The following CDYL variants were observed in gnomAD, a reference collection of about 807,000 sequenced individuals.
CDYL encodes the protein chromodomain Y like, also known as chromodomain Y-like protein.
In CDYL, 8 loss-of-function variants were observed where a neutral mutation model predicts 47.3. The observed-to-expected ratio is 0.17, with a 90% confidence interval of 0.10 to 0.31. The LOEUF is 0.31. Ranked by LOEUF, CDYL falls within the 10% of genes least tolerant of loss-of-function variation. The pLI is 1.00. For missense variants in CDYL, 471 were observed against 701.4 expected, an observed-to-expected ratio of 0.67 and a Z score of 3.71; for synonymous variants, 266 against 265.0, an observed-to-expected ratio of 1.00 and a Z score of -0.04.
chr6:4,876,144 T>C (rs970838064), intron 1 of CDYL, among the ~76,000 whole-genome samples: 3 of 152,206 alleles, frequency 2.0e-5, no homozygotes, highest in Non-Finnish European at 2.9e-5. Context: ...TGTTTGTTGT[T>C]GTTGTTTATA....
chr6:4,794,187 A>G (rs1057170779), intron 1 of CDYL, among the ~76,000 whole-genome samples: 8 of 152,114 alleles, frequency 5.3e-5, no homozygotes, highest in African/African-American at 1.7e-4. Flanking sequence ...CATCACATAG[A>G]GCTTGCGGGG....
chr6:4,909,576 T>G (rs917940911), intron 2 of CDYL, among the ~76,000 whole-genome samples: 11 of 152,146 alleles, frequency 7.2e-5, no homozygotes, highest in Admixed American at 6.5e-5. Flanking sequence ...ATACTTTTTT[T>G]TGTTTGTTTT....
At chr6:4,808,967 T>C (rs1020776780) in intron 1 of CDYL, among the ~76,000 whole-genome samples, 2 of 152,168 alleles carry the variant, frequency 1.3e-5, no homozygotes, top group Non-Finnish European at 2.9e-5. Flanking sequence ...TGATGTGGCT[T>C]CCAAGCGTGA....
chr6:4,794,664 G>A (rs1759020816), intron 1 of CDYL, among the ~76,000 whole-genome samples: 2 of 152,192 alleles, frequency 1.3e-5, no homozygotes, highest in South Asian at 4.1e-4. Flanking sequence ...GCATCGAAGA[G>A]CATGGGGTGC....
chr6:4,866,946 T>C (rs1043200126), intron 1 of CDYL, among the ~76,000 whole-genome samples: 2 of 152,092 alleles, frequency 1.3e-5, no homozygotes, highest in African/African-American at 4.8e-5. Flanking sequence ...AAATTGATCC[T>C]CTAGTTTGGT....
Position 4,953,922 on chromosome 6 carries a change from G to A in CDYL, c.1501G>A (p.Val501Met), listed in dbSNP as rs146123232. Residue 501 changes from valine (V) to methionine (M), a missense_variant, in exon 7 of 7, where the codon GTG (valine) becomes ATG (methionine). Physicochemically the swap from Val to Met is conservative, Grantham distance 21. Transcript: ENST00000397588. The part of the protein sequence containing the change: ...PVVLEESKAL[V>M]RCNMKMELEQ... ...GGTGCTTGAGGAATCCAAAGCCCTC[G>A]TGCGCTGCAACATGAAGATGGAGCT... The A allele has an allele frequency of 7.4e-6, 12 of 1,613,628 alleles. No individual in the cohort carries two copies. The highest frequency in any genetic ancestry group is 1.3e-5 in the African/African-American group (1 of 75,016).
chr6:4,763,183 T>C (rs1470538438), intron 3 of CDYL, among the ~76,000 whole-genome samples: 1 of 152,184 alleles, frequency 6.6e-6, no homozygotes, highest in African/African-American at 2.4e-5. Flanking sequence ...CCAGCTGATA[T>C]AGCCTTCCAT....
chr6:4,767,750 C>T (rs946201963), intron 3 of CDYL, among the ~76,000 whole-genome samples: 2 of 152,230 alleles, frequency 1.3e-5, no homozygotes, highest in African/African-American at 4.8e-5. Flanking sequence ...ATCCACTTTA[C>T]TCAATGTCAT....
chr6:4,754,123 C>T (rs576398629), intron 3 of CDYL, among the ~76,000 whole-genome samples: 15 of 152,190 alleles, frequency 9.9e-5, no homozygotes, highest in East Asian at 5.8e-4. Context: ...GGCAATAGAG[C>T]GAGACCCTGT....
At chr6:4,872,285 A>G (rs1761497481) in intron 1 of CDYL, among the ~76,000 whole-genome samples, 1 of 138,572 alleles carries the variant, frequency 7.2e-6, no homozygotes, top group East Asian at 2.1e-4. Flanking sequence ...TGAATTCTAT[A>G]CCCATTTAAT....
intron 1 of CDYL, among the ~76,000 whole-genome samples, chr6:4,829,471 T>G (rs924529854): frequency 2.0e-5 from 3 of 152,218 alleles, no homozygotes; most frequent in African/African-American, 7.2e-5. Context: ...AGGTTTGCAT[T>G]GAGCCAGGTG....
At chr6:4,854,237 C>T (rs1047322695) in intron 1 of CDYL, among the ~76,000 whole-genome samples, 1 of 152,172 alleles carries the variant, frequency 6.6e-6, no homozygotes, top group African/African-American at 2.4e-5. Context: ...CTGGAATTGT[C>T]GCTTAGATTC....
At chr6:4,717,716 A>G (rs1360626632) in intron 2 of CDYL, among the ~76,000 whole-genome samples, 2 of 123,194 alleles carry the variant, frequency 1.6e-5, no homozygotes, top group Non-Finnish European at 3.6e-5. Context: ...AAAAAAAAAA[A>G]AAAAAAAAAA....
intron 1 of CDYL, among the ~76,000 whole-genome samples, chr6:4,789,312 G>A (rs913535406): frequency 2.6e-5 from 4 of 152,174 alleles, no homozygotes; most frequent in African/African-American, 9.7e-5. Context: ...CTGGGCTCAA[G>A]CAATCTGCTC....
At chr6:4,722,235 G>T (rs184589056) in intron 2 of CDYL, among the ~76,000 whole-genome samples, 1 of 152,044 alleles carries the variant, frequency 6.6e-6, no homozygotes, top group Non-Finnish European at 1.5e-5. Context: ...GGAGGCCAAT[G>T]GGGGGAGGAA....
chr6:4,935,578 C>T lies in CDYL; in HGVS notation c.755C>T (p.Thr252Ile). 1 of 1,614,174 alleles carries T rather than the reference C, an allele frequency of 6.2e-7. No individual in the cohort carries two copies. The highest frequency in any genetic ancestry group is 8.5e-7 in the Non-Finnish European group (1 of 1,180,040). ...NGTTNIQTSV[T>I]GVTASKRKFI... ...ACAACCAACATACAGACATCTGTTACAGGAGTGACTGCCAGCAAAAGGAAA... is the reference window on the plus strand; with the variant it reads ...ACAACCAACATACAGACATCTGTTATAGGAGTGACTGCCAGCAAAAGGAAA... Residue 252 changes from threonine to isoleucine, a missense_variant, in exon 3 of 7, where the codon ACA becomes ATA. Physicochemically the swap from Thr to Ile is moderately conservative, Grantham distance 89 (BLOSUM62 -1). Coordinates refer to ENST00000397588, the MANE Select transcript of CDYL (RefSeq NM_004824.4).
At chr6:4,811,607 T>G (rs1759531106) in intron 1 of CDYL, among the ~76,000 whole-genome samples, 1 of 148,082 alleles carries the variant, frequency 6.8e-6, no homozygotes, top group Non-Finnish European at 1.5e-5. Flanking sequence ...ATGACATTAT[T>G]CTTTTTTTTT....
chr6:4,779,837 G>A (rs1484592468), intron 1 of CDYL, among the ~76,000 whole-genome samples: 1 of 152,178 alleles, frequency 6.6e-6, no homozygotes, highest in Non-Finnish European at 1.5e-5. Context: ...ACCTCATGTA[G>A]TGCAAAAGCA....
At chr6:4,924,445 A>G (rs893643494) in intron 2 of CDYL, among the ~76,000 whole-genome samples, 16 of 152,128 alleles carry the variant, frequency 1.1e-4, no homozygotes, top group Admixed American at 2.0e-4. Flanking sequence ...GTTTCCAGGA[A>G]TTATTTGTAT....
Sources: gnomAD v4.1 joint callset for allele counts (sites outside exome capture counted in the v4.1 genomes callset) on GRCh38, gnomAD v4.1.1 for gene constraint, MANE v1.5 for transcripts, NCBI Gene and HGNC (gene_info 2026-07-23, HGNC 2026-07-21) for gene names.